Variants in TULP4 observed in about 807,000 individuals in gnomAD.
The protein encoded by TULP4 is tubby-related protein 4.
In TULP4, 16 loss-of-function variants were observed where a neutral mutation model predicts 129.0. The observed-to-expected ratio is 0.12, with a 90% CI of 0.08 to 0.19. TULP4 has a LOEUF of 0.19. TULP4 is among the 10% of genes least tolerant of loss of function. The pLI, the probability that TULP4 is intolerant of heterozygous loss-of-function variation, is 1.00. For synonymous variants in TULP4, 998 were observed against 854.0 expected, an observed-to-expected ratio of 1.17 and a Z score of -2.94; for missense variants, 1,842 against 2,059.1, an observed-to-expected ratio of 0.89 and a Z score of 2.04.
chr6:158,347,331 A>G (rs1780336303), intron 1 of TULP4, among the ~76,000 whole-genome samples: 2 of 152,228 alleles, frequency 1.3e-5, no homozygotes, highest in Non-Finnish European at 1.5e-5. Flanking sequence ...ATCTGTAAGT[A>G]TAGAAATATG....
intron 1 of TULP4, among the ~76,000 whole-genome samples, chr6:158,296,838 A>T (rs1247083766): frequency 1.3e-5 from 2 of 152,200 alleles, no homozygotes; most frequent in Non-Finnish European, 2.9e-5. Context: ...GAACAGGGAA[A>T]AGATTACATG....
At chr6:158,365,472 T>C (rs1455943275) in intron 1 of TULP4, among the ~76,000 whole-genome samples, 2 of 151,398 alleles carry the variant, frequency 1.3e-5, no homozygotes, top group Non-Finnish European at 2.9e-5. Flanking sequence ...TTCTTTTTTC[T>C]TTTTTCTTTT....
upstream of TULP4, among the ~76,000 whole-genome samples, chr6:158,277,631 G>A (rs1015613335): frequency 9.2e-5 from 14 of 152,100 alleles, no homozygotes; most frequent in East Asian, 1.9e-4. Context: ...AGTGTGGCTC[G>A]TGTAGGTAGT....
intron 3 of TULP4, among the ~76,000 whole-genome samples, chr6:158,441,113 C>T (rs1778887065): frequency 6.6e-6 from 1 of 152,180 alleles, no homozygotes; most frequent in South Asian, 2.1e-4. Context: ...GTCAGGAGTT[C>T]AAGACCAGCC....
intron 8 of TULP4, among the ~76,000 whole-genome samples, chr6:158,485,204 A>C (rs1220921258): frequency 3.9e-5 from 6 of 152,222 alleles, no homozygotes; most frequent in Non-Finnish European, 7.3e-5. Flanking sequence ...ATTTGTAAGC[A>C]AAGTGTTGAA....
Position 158,503,635 on chromosome 6 carries a change from C to T in TULP4, c.3972C>T (p.Ser1324=), listed in dbSNP as rs2128265161. ...AGGAAGTCCTCTCCCTGACCGAAAG[C>T]CCAGTCCCCCAGCGGACAGAAAAAT... ...NFQEVLSLTE[S]PVPQRTEKFG... is the part of the protein sequence containing the mutation. The change falls in exon 13 of 14, where the codon AGC becomes AGT. Residue 1324 remains serine, a synonymous_variant. Coordinates refer to ENST00000367097, the MANE Select transcript of TULP4 (RefSeq NM_020245.5). The surrounding 1 kb of genome is among the most constrained non-coding windows in gnomAD (Gnocchi z 4.3). 1 of 1,614,058 alleles carries T rather than the reference C, an allele frequency of 6.2e-7. No homozygotes were observed. The highest frequency in any genetic ancestry group is 1.1e-5 in the South Asian group (1 of 91,082).
At chr6:158,468,015 G>C (rs1779592013) in intron 6 of TULP4, among the ~76,000 whole-genome samples, 1 of 152,220 alleles carries the variant, frequency 6.6e-6, no homozygotes, top group Non-Finnish European at 1.5e-5. Context: ...CCCAGCAACG[G>C]ATGAATAAAA....
chr6:158,286,433 G>T (rs1251403850), intron 1 of TULP4, among the ~76,000 whole-genome samples: 2 of 152,148 alleles, frequency 1.3e-5, no homozygotes, highest in Admixed American at 1.3e-4. Context: ...ATTGTGTTTA[G>T]TAATTTCCTC....
chr6:158,335,515 A>G (rs553024781), intron 1 of TULP4, among the ~76,000 whole-genome samples: 6 of 152,316 alleles, frequency 3.9e-5, no homozygotes, highest in Non-Finnish European at 7.3e-5. Context: ...TCAAAACCAC[A>G]TAAAAAGGTA....
In TULP4 at chr6:158,374,261, C is replaced by T. The variant is rs567420791; in HGVS notation, c.253-38804C>T. ...ATGATTGCGCCACCGCATTCCAGCC[C>T]GAATGACAGAGTGAGACCTTGTCTT... On this transcript the variant is annotated intron_variant, in intron 1 of 13. Transcript: ENST00000367097. 4.7e-5 allele frequency among the ~76,000 whole-genome samples: 7 copies of T among 148,614 alleles called. No homozygotes were observed. The South Asian group carries it at 1.3e-3, about 27-fold the overall frequency.
At chr6:158,341,373 T>C (rs1054827211) in intron 1 of TULP4, among the ~76,000 whole-genome samples, 5 of 152,244 alleles carry the variant, frequency 3.3e-5, no homozygotes, top group African/African-American at 4.8e-5. Flanking sequence ...ATCTTGGTTA[T>C]TTGACTGGTG....
intron 1 of TULP4, among the ~76,000 whole-genome samples, chr6:158,290,346 A>G (rs1375447127): frequency 1.3e-5 from 2 of 152,156 alleles, no homozygotes; most frequent in African/African-American, 4.8e-5. Context: ...ATGTCTTTTC[A>G]GATCCTTTGC....
intron 1 of TULP4, among the ~76,000 whole-genome samples, chr6:158,247,162 A>G (rs1240928817): frequency 2.0e-5 from 3 of 152,124 alleles, no homozygotes; most frequent in Admixed American, 2.0e-4. Flanking sequence ...TATTACCATT[A>G]TTTCTACTGT....
intron 2 of TULP4, among the ~76,000 whole-genome samples, chr6:158,423,275 C>T (rs1453350321): frequency 2.6e-5 from 4 of 152,316 alleles, no homozygotes; most frequent in African/African-American, 9.6e-5. Flanking sequence ...ATGCAGAAAA[C>T]GTGATCCATA....
chr6:158,496,130 A>G (rs1192461555), intron 11 of TULP4, among the ~76,000 whole-genome samples: 1 of 152,186 alleles, frequency 6.6e-6, no homozygotes, highest in African/African-American at 2.4e-5. Context: ...GGAGGTCCCT[A>G]TGTGAGTTGA....
Position 158,461,619 on chromosome 6 carries a change from C to T in TULP4, c.916C>T (p.Arg306Trp), listed in dbSNP as rs771310062. Residue 306 changes from arginine to tryptophan, a missense_variant, in exon 6 of 14, where the codon CGG (arginine) becomes TGG (tryptophan). Around this residue, in one of 5 missense-constraint regions of TULP4, gnomAD observed 456 missense variants for 534.3 expected, o/e 0.85. Transcript: ENST00000367097. The stretch of plus-strand genomic sequence containing the variant: ...CTTGCTGGCAGTCGCTGGGATGGAA[C>T]GGCAGACCCAGCTTGGTGAGCTTCC... ...GDLLAVAGME[R>W]QTQLGELPNG... 4.3e-6 allele frequency: 7 copies of T among 1,613,824 alleles called. No individual in the cohort carries two copies. The highest frequency in any genetic ancestry group is 4.2e-6 in the Non-Finnish European group (5 of 1,179,996).
In TULP4 at chr6:158,508,068, T is replaced by C. The variant is rs1780644176; in HGVS notation, c.*1374T>C. On this transcript the variant is annotated 3_prime_UTR_variant, in exon 14 of 14. Coordinates refer to ENST00000367097, the MANE Select transcript of TULP4 (RefSeq NM_020245.5). ...GTATAAAAAAAAATTACCTAGAATATCTCTTCCCACTTCCTCGTCCTCGTG... is the reference window on the plus strand; with the variant it reads ...GTATAAAAAAAAATTACCTAGAATACCTCTTCCCACTTCCTCGTCCTCGTG... 6.6e-6 allele frequency: 1 copy of C among 152,234 alleles called. No homozygotes were observed. The highest frequency in any genetic ancestry group is 1.5e-5 in the Non-Finnish European group (1 of 68,046). The allele number at this position is 152,234 out of a possible 1,614,324, so 9.4% of individuals were successfully genotyped here. A position where few individuals can be genotyped will look rare whatever the true frequency, so the allele number is the denominator to read the frequency against.
At chr6:158,494,582 C>T (rs1780285858) in intron 10 of TULP4, among the ~76,000 whole-genome samples, 171 bp from the exon 11 acceptor site, 2 of 152,206 alleles carry the variant, frequency 1.3e-5, no homozygotes, top group South Asian at 4.1e-4. Flanking sequence ...GCGTGCCTGG[C>T]TGCCCTCGTT....
chr6:158,350,087 G>T (rs1354284191), intron 1 of TULP4, among the ~76,000 whole-genome samples: 1 of 142,486 alleles, frequency 7.0e-6, no homozygotes, highest in East Asian at 2.1e-4. Context: ...CCACTTCCCA[G>T]ACGGGGCAGC....
Sources: allele counts gnomAD v4.1 joint callset (sites outside exome capture counted in the v4.1 genomes callset), GRCh38; gene constraint gnomAD v4.1.1; regional missense constraint gnomAD v4.1.1; non-coding constraint Gnocchi (gnomAD v3.1); transcripts MANE v1.5; gene names NCBI Gene and HGNC (gene_info 2026-07-23, HGNC 2026-07-21).